TINAG: variants seen among roughly 807,000 people sequenced by gnomAD.
TINAG encodes the protein tubulointerstitial nephritis antigen.
In TINAG, 83 loss-of-function variants were observed where a neutral mutation model predicts 72.7. That is an observed-to-expected ratio of 1.14 (90% CI 0.96 to 1.37). TINAG has a LOEUF of 1.37. TINAG is among the 40% of genes most tolerant of loss of function. The pLI, the probability that TINAG is intolerant of heterozygous loss-of-function variation, is 0.00. For missense variants in TINAG, 685 were observed against 576.6 expected, an observed-to-expected ratio of 1.19 and a Z score of -1.93; for synonymous variants, 234 against 189.9, an observed-to-expected ratio of 1.23 and a Z score of -1.91.
At chr6:54,348,687 T>C (rs1356508688) in intron 6 of TINAG, among the ~76,000 whole-genome samples, 1 of 152,024 alleles carries the variant, frequency 6.6e-6, no homozygotes, top group East Asian at 1.9e-4. Context: ...AAGTTAATAA[T>C]CTCCCAAAGG....
intron 9 of TINAG, among the ~76,000 whole-genome samples, chr6:54,362,277 G>T (rs1328996172): frequency 6.6e-6 from 1 of 151,594 alleles, no homozygotes; most frequent in African/African-American, 2.4e-5. Flanking sequence ...TCTCTTTTTA[G>T]GGTCTAAGGT....
In TINAG at chr6:54,321,381, C is replaced by G; in HGVS notation, c.504C>G (p.Asp168Glu). Residue 168 changes from aspartate (D) to glutamate (E), a missense_variant, in exon 3 of 11, where the codon GAC becomes GAG. Asp to Glu is a conservative substitution (Grantham distance 45). Transcript: ENST00000259782. ...TAATTGAACAGGTCAATAAAGGAGACTATGGGTGAGAGAAATCTTGCTTTG... is the reference window on the plus strand; with the variant it reads ...TAATTGAACAGGTCAATAAAGGAGAGTATGGGTGAGAGAAATCTTGCTTTG... ...SELIEQVNKG[D>E]YGWTAQNYSQ... The G allele has an allele frequency of 2.5e-6, 4 of 1,609,146 alleles. No homozygotes were observed. The highest frequency in any genetic ancestry group is 3.4e-6 in the Non-Finnish European group (4 of 1,175,912).
chr6:54,352,394 C>T (rs909617890), intron 8 of TINAG, among the ~76,000 whole-genome samples: 4 of 151,810 alleles, frequency 2.6e-5, no homozygotes, highest in African/African-American at 4.8e-5. Flanking sequence ...CCACAGCCTA[C>T]ATAAACATGT....
chr6:54,315,530 T>C (rs1784351744), intron 1 of TINAG, among the ~76,000 whole-genome samples: 1 of 151,838 alleles, frequency 6.6e-6, no homozygotes, highest in Non-Finnish European at 1.5e-5. Flanking sequence ...AAATAAAAAT[T>C]AGCCAGTCAT....
chr6:54,307,949 G>A, upstream of TINAG: 2 of 1,302,542 alleles, frequency 1.5e-6, no homozygotes, highest in Non-Finnish European at 2.1e-6. Flanking sequence ...ACTAAGCCTT[G>A]AAATCAAAAC....
chr6:54,355,876 A>C (rs947876963), intron 9 of TINAG, among the ~76,000 whole-genome samples: 3 of 151,642 alleles, frequency 2.0e-5, no homozygotes. Flanking sequence ...AAGGAAGGAA[A>C]GAAGGAAAGA....
intron 7 of TINAG, 43 bp from the exon 8 acceptor site, chr6:54,351,309 C>A (rs371041206): frequency 3.2e-6 from 5 of 1,543,996 alleles, no homozygotes; most frequent in Non-Finnish European, 4.5e-6. Flanking sequence ...GTTTAGTATG[C>A]TCTGATAACA....
At chr6:54,360,894 C>A (rs1763215768) in intron 9 of TINAG, among the ~76,000 whole-genome samples, 1 of 95,026 alleles carries the variant, frequency 1.1e-5, no homozygotes, top group African/African-American at 3.6e-5. Context: ...TTTGTGGCAA[C>A]CCTACATGGA....
At chr6:54,308,125 CTT>C (rs1011752928), upstream of TINAG, 7 of 1,549,074 alleles carry the variant, frequency 4.5e-6, no homozygotes, top group African/African-American at 6.9e-5. Flanking sequence ...GCATTTTTGA[CTT>C]TTGAATTTCC....
At position 54,320,660 on chromosome 6, in the gene TINAG, C is replaced by A. The variant is rs760070552; in HGVS notation, c.419+18C>A. The A allele has an allele frequency of 6.3e-7, 1 of 1,593,130 alleles. No individual in the cohort carries two copies. The highest frequency in any genetic ancestry group is 1.1e-5 in the South Asian group (1 of 88,856). On this transcript the variant is annotated intron_variant, in intron 2 of 10. Coordinates refer to ENST00000259782, the MANE Select transcript of TINAG (RefSeq NM_014464.4). ...AACTCCTGGTAATAAATTTAAGTGG[C>A]ACAGAACTGAGTTCTACTGTGTGTG...
intron 9 of TINAG, among the ~76,000 whole-genome samples, chr6:54,360,859 T>TTTTG (rs1322574363): frequency 9.4e-5 from 12 of 128,052 alleles, no homozygotes; most frequent in African/African-American, 3.9e-4. Flanking sequence ...TTTTTTTTTT[T>TTTTG]TTTTTTTTTT....
At chr6:54,378,140 A>T (rs1396214256) in intron 9 of TINAG, among the ~76,000 whole-genome samples, 4 of 152,180 alleles carry the variant, frequency 2.6e-5, no homozygotes, top group Non-Finnish European at 5.9e-5. Flanking sequence ...ACATAGGTGA[A>T]CTAACTGCAC....
At chr6:54,329,545 CTA>C (rs1295566878) in intron 4 of TINAG, among the ~76,000 whole-genome samples, 1 of 152,080 alleles carries the variant, frequency 6.6e-6, no homozygotes, top group African/African-American at 2.4e-5. Flanking sequence ...GACATTGACA[CTA>C]TGAAGAAACT....
intron 9 of TINAG, among the ~76,000 whole-genome samples, chr6:54,364,120 T>A (rs887989552): frequency 1.3e-5 from 2 of 151,336 alleles, no homozygotes; most frequent in African/African-American, 2.4e-5. Context: ...AATTAGATAG[T>A]TTGTAATGGT....
At chr6:54,307,905 C>T (rs1291399145), upstream of TINAG, 2 of 774,454 alleles carry the variant, frequency 2.6e-6, no homozygotes, top group African/African-American at 1.7e-5. Context: ...GAACTAAGGT[C>T]ACCCTCAGGG....
intron 4 of TINAG, among the ~76,000 whole-genome samples, chr6:54,332,565 C>T (rs1218297580): frequency 6.6e-6 from 1 of 152,096 alleles, no homozygotes; most frequent in African/African-American, 2.4e-5. Flanking sequence ...CGGGCAAAGA[C>T]TTCATGAATA....
intron 10 of TINAG, among the ~76,000 whole-genome samples, chr6:54,382,000 T>C (rs903533818): frequency 6.6e-6 from 1 of 152,092 alleles, no homozygotes; most frequent in African/African-American, 2.4e-5. Flanking sequence ...AGTGTATATG[T>C]GTACACACAC....
chr6:54,371,790 A>G (rs988273968), intron 9 of TINAG, among the ~76,000 whole-genome samples: 3 of 151,986 alleles, frequency 2.0e-5, no homozygotes, highest in Non-Finnish European at 4.4e-5. Context: ...GGATTGCATT[A>G]AATCACTGTG....
intron 1 of TINAG, among the ~76,000 whole-genome samples, chr6:54,318,660 C>A (rs995886036): frequency 1.3e-5 from 2 of 151,944 alleles, no homozygotes; most frequent in African/African-American, 4.8e-5. Context: ...TGATGGGAAA[C>A]GACTTGAAGA....
Sources: allele counts gnomAD v4.1 joint callset (sites outside exome capture counted in the v4.1 genomes callset), GRCh38; gene constraint gnomAD v4.1.1; transcripts MANE v1.5; gene names NCBI Gene and HGNC (gene_info 2026-07-23, HGNC 2026-07-21).